The following PTPN22 variants were observed in gnomAD, a reference collection of about 807,000 sequenced individuals.
PTPN22 encodes the protein tyrosine-protein phosphatase non-receptor type 22.
Under a neutral mutation model 103.3 loss-of-function variants are expected in PTPN22, and 85 were observed. The observed-to-expected ratio is 0.82, with a 90% CI of 0.69 to 0.99. The LOEUF is 0.99. PTPN22 is among the 50% of genes least tolerant of loss of function. The probability of loss-of-function intolerance (pLI) is 0.00; values close to 1 mark genes in which losing one functional copy is unlikely to be tolerated. For synonymous variants in PTPN22, 323 were observed against 310.2 expected (o/e 1.04, Z -0.43); for missense variants, 865 against 936.9 (o/e 0.92, Z 1.00).
chr1:113,856,298 T>C (rs900898080), intron 7 of PTPN22, 84 bp downstream of exon 7: 3 of 1,446,006 alleles, frequency 2.1e-6, no homozygotes, highest in South Asian at 2.9e-5. Flanking sequence ...CATTGTCTTA[T>C]GCCCAGCCTG....
exon 1 of PTPN22, chr1:113,871,576 G>C: frequency 6.2e-7 from 1 of 1,613,970 alleles, no homozygotes; most frequent in Non-Finnish European, 8.5e-7. Flanking sequence ...TAATTTTCTT[G>C]CTTTGGGCCT....
intron 1 of PTPN22, among the ~76,000 whole-genome samples, chr1:113,860,770 G>A (rs1190045710): frequency 6.6e-6 from 1 of 152,178 alleles, no homozygotes; most frequent in Non-Finnish European, 1.5e-5. Flanking sequence ...AAGATCTCAA[G>A]TCCCAGAACA....
chr1:113,841,620 G>A (rs992023244), intron 11 of PTPN22, among the ~76,000 whole-genome samples: 3 of 149,840 alleles, frequency 2.0e-5, no homozygotes, highest in African/African-American at 7.4e-5. Flanking sequence ...TTTGGTGGAG[G>A]GGGACAGAGT....
chr1:113,838,855 C>T (rs1036767320), intron 11 of PTPN22, among the ~76,000 whole-genome samples: 2 of 152,088 alleles, frequency 1.3e-5, no homozygotes, highest in African/African-American at 4.8e-5. Context: ...TTGTGTATAT[C>T]ATCATCTTTT....
rs74163641 is a variant in PTPN22, at chr1:113,859,079, C to T, written c.197-1G>A. 2 of 1,613,298 alleles carry T rather than the reference C, an allele frequency of 1.2e-6. No homozygotes were observed. The highest frequency in any genetic ancestry group is 1.7e-6 in the Non-Finnish European group (2 of 1,179,646). On this transcript the variant is annotated splice_acceptor_variant, in intron 2 of 20. Coordinates refer to ENST00000359785, the Ensembl canonical transcript of PTPN22. LOFTEE classifies it high-confidence loss of function. ...GATAGTTCTACCCGGCTATAATCAT[C>T]TATAATACAAAAGACAGACATAGTA...
chr1:113,825,660 T>C (rs1012520218), intron 18 of PTPN22, among the ~76,000 whole-genome samples: 2 of 152,202 alleles, frequency 1.3e-5, no homozygotes, highest in Non-Finnish European at 2.9e-5. Flanking sequence ...CATTCCAGCC[T>C]GGGCGACAGA....
At chr1:113,813,980 T>C (rs1660985802) in exon 21 of PTPN22, 1 of 152,202 alleles carries the variant, frequency 6.6e-6, no homozygotes, top group South Asian at 2.1e-4. Context: ...ATAAATAAAG[T>C]TATTTAAATA....
At chr1:113,830,139 A>G in intron 16 of PTPN22, 110 bp from the exon 17 acceptor site, 1 of 765,104 alleles carries the variant, frequency 1.3e-6, no homozygotes, top group South Asian at 2.0e-5. Context: ...TTAGCCGACA[A>G]TCACCAAATA....
intron 11 of PTPN22, among the ~76,000 whole-genome samples, chr1:113,839,430 C>T (rs1403943005): frequency 6.6e-6 from 1 of 151,314 alleles, no homozygotes; most frequent in Non-Finnish European, 1.5e-5. Flanking sequence ...TATTCTGTTA[C>T]CCAGGCTGGA....
chr1:113,816,600 C>T (rs1661172371), intron 20 of PTPN22, among the ~76,000 whole-genome samples: 1 of 151,950 alleles, frequency 6.6e-6, no homozygotes, highest in African/African-American at 2.4e-5. Context: ...GGTAACTACT[C>T]AAATGTTGCT....
intron 20 of PTPN22, 118 bp from the exon 21 acceptor site, chr1:113,815,087 G>T: frequency 1.4e-6 from 1 of 710,398 alleles, no homozygotes; most frequent in Non-Finnish European, 2.3e-6. Flanking sequence ...TAAATGTTAG[G>T]CAGCATCTTG....
chr1:113,837,468 A>C, intron 13 of PTPN22, 122 bp downstream of exon 13: 1 of 754,628 alleles, frequency 1.3e-6, no homozygotes, highest in Non-Finnish European at 2.0e-6. Context: ...AAAAGAAAAA[A>C]AAGAGAAAAA....
intron 20 of PTPN22, among the ~76,000 whole-genome samples, chr1:113,816,024 G>A (rs1486585278): frequency 6.6e-6 from 1 of 151,814 alleles, no homozygotes; most frequent in Non-Finnish European, 1.5e-5. Context: ...GCAACTTTAG[G>A]GACTTAAAGT....
intron 20 of PTPN22, among the ~76,000 whole-genome samples, chr1:113,817,299 G>A (rs576037714): frequency 6.6e-6 from 1 of 152,302 alleles, no homozygotes; most frequent in African/African-American, 2.4e-5. Context: ...GCTTAAAACA[G>A]TTTCGAGCTA....
intron 18 of PTPN22, among the ~76,000 whole-genome samples, chr1:113,828,927 G>A (rs548728642): frequency 2.6e-5 from 4 of 152,332 alleles, no homozygotes; most frequent in South Asian, 2.1e-4. Flanking sequence ...GAGCCACCAT[G>A]CTGGGCCTAT....
Position 113,858,984 on chromosome 1 carries a change from T to C in PTPN22, c.273+18A>G. 6 of 1,610,662 alleles carry C rather than the reference T, an allele frequency of 3.7e-6. No homozygotes were observed. Among genetic ancestry groups the C allele is most frequent in the Non-Finnish European group, 5.1e-6 (6 of 1,178,452 alleles). ...TATCTAGAGAAATATGGAATGCTTT[T>C]ATTTTCTTTCACTGTACCTTAATGA... is the stretch of plus-strand genomic sequence containing the variant. On this transcript the variant is annotated intron_variant, in intron 3 of 20. Coordinates refer to ENST00000359785, the Ensembl canonical transcript of PTPN22.
intron 17 of PTPN22, 96 bp from the exon 18 acceptor site, chr1:113,829,803 A>G: frequency 8.2e-7 from 1 of 1,212,760 alleles, no homozygotes; most frequent in Non-Finnish European, 1.2e-6. Context: ...TTTTTTAGGC[A>G]TTATTTTGAC....
At chr1:113,821,557 C>G (rs1465704792) in intron 19 of PTPN22, among the ~76,000 whole-genome samples, 2 of 152,122 alleles carry the variant, frequency 1.3e-5, no homozygotes, top group Non-Finnish European at 2.9e-5. Flanking sequence ...CTCCTGACCT[C>G]GTGATCTGCC....
exon 13 of PTPN22, chr1:113,837,770 C>A: frequency 6.2e-7 from 1 of 1,613,828 alleles, no homozygotes; most frequent in South Asian, 1.1e-5. Flanking sequence ...GAACTGGTAC[C>A]ACTTGGAGGC....
Sources: gnomAD v4.1 joint callset for allele counts (sites outside exome capture counted in the v4.1 genomes callset) on GRCh38, gnomAD v4.1.1 for gene constraint, MANE v1.5 for transcripts, NCBI Gene and HGNC (gene_info 2026-07-23, HGNC 2026-07-21) for gene names.